IMPG2: variants seen among roughly 807,000 people sequenced by gnomAD.
IMPG2 encodes interphotoreceptor matrix proteoglycan 2, also known as IPM 200.
A neutral mutation model predicts 129.2 loss-of-function variants in IMPG2; 91 were observed. That is an observed-to-expected ratio of 0.70 (90% CI 0.59 to 0.84). The LOEUF (loss-of-function observed/expected upper bound fraction) is 0.84. Among genes scored for constraint, IMPG2 ranks in the 40% least tolerant of loss-of-function variants. The probability of loss-of-function intolerance (pLI) is 0.00; values close to 1 mark genes in which losing one functional copy is unlikely to be tolerated. For synonymous variants in IMPG2, 510 were observed against 517.7 expected (o/e 0.99, Z 0.20); for missense variants, 1,430 against 1,461.7 (o/e 0.98, Z 0.35).
chr3:101,280,954 A>G (rs1576761992), intron 4 of IMPG2, among the ~76,000 whole-genome samples: 1 of 151,956 alleles, frequency 6.6e-6, no homozygotes, highest in Non-Finnish European at 1.5e-5. Context: ...TGCAAAAAAA[A>G]AAAATTATAT....
At chr3:101,261,084 G>A (rs1480398475) in intron 9 of IMPG2, among the ~76,000 whole-genome samples, 3 of 152,068 alleles carry the variant, frequency 2.0e-5, no homozygotes, top group Non-Finnish European at 4.4e-5. Context: ...TGTATCTTCT[G>A]GTTAATCATT....
chr3:101,248,066 T>C (rs552135628), intron 11 of IMPG2, among the ~76,000 whole-genome samples: 35 of 152,284 alleles, frequency 2.3e-4, no homozygotes, highest in African/African-American at 8.2e-4. Flanking sequence ...GTTTAGTCTA[T>C]GGCCGTGAAA....
intron 14 of IMPG2, among the ~76,000 whole-genome samples, chr3:101,242,277 T>A (rs1243627205): frequency 6.6e-6 from 1 of 152,200 alleles, no homozygotes; most frequent in East Asian, 1.9e-4. Flanking sequence ...AGATGTTTGG[T>A]CTGCATATAA....
intron 9 of IMPG2, among the ~76,000 whole-genome samples, chr3:101,264,567 A>G (rs1211645625): frequency 6.6e-6 from 1 of 152,068 alleles, no homozygotes; most frequent in African/African-American, 2.4e-5. Context: ...TAAAGTCCAC[A>G]TATGAAAATG....
At chr3:101,258,573 T>A (rs1227618613) in intron 9 of IMPG2, among the ~76,000 whole-genome samples, 3 of 152,130 alleles carry the variant, frequency 2.0e-5, no homozygotes, top group Admixed American at 2.0e-4. Flanking sequence ...GCTCTCTCTC[T>A]CTCTTTTTAA....
intron 11 of IMPG2, among the ~76,000 whole-genome samples, chr3:101,248,147 A>C (rs1274231514): frequency 1.3e-5 from 2 of 152,144 alleles, no homozygotes; most frequent in Admixed American, 6.5e-5. Flanking sequence ...CTGTGTCCCC[A>C]CCCAAATCTC....
At chr3:101,295,211 G>T (rs1468238886) in intron 3 of IMPG2, among the ~76,000 whole-genome samples, 2 of 151,956 alleles carry the variant, frequency 1.3e-5, no homozygotes, top group Admixed American at 6.6e-5. Flanking sequence ...TTATGATTTT[G>T]GGTTTTACAT....
At chr3:101,242,412 G>C (rs888809771) in intron 14 of IMPG2, among the ~76,000 whole-genome samples, 1 of 152,188 alleles carries the variant, frequency 6.6e-6, no homozygotes, top group Non-Finnish European at 1.5e-5. Context: ...AATAGATCCA[G>C]TAGGTAAATA....
intron 18 of IMPG2, among the ~76,000 whole-genome samples, chr3:101,227,342 T>C (rs906171088): frequency 1.4e-4 from 21 of 152,230 alleles, no homozygotes; most frequent in Admixed American, 3.9e-4. Flanking sequence ...GTATACTTTC[T>C]TTTGTCTCAC....
chr3:101,227,474 T>G (rs1027083218), intron 18 of IMPG2, among the ~76,000 whole-genome samples: 5 of 152,238 alleles, frequency 3.3e-5, no homozygotes, highest in Non-Finnish European at 5.9e-5. Context: ...AAGGCTCTCC[T>G]GAATCCTTCC....
intron 3 of IMPG2, among the ~76,000 whole-genome samples, chr3:101,295,834 G>A (rs933869621): frequency 5.3e-5 from 8 of 152,174 alleles, no homozygotes; most frequent in Non-Finnish European, 7.3e-5. Flanking sequence ...AATTGTGAAT[G>A]GGAGTTCATT....
chr3:101,228,460 A>G (rs1437048761), intron 18 of IMPG2, among the ~76,000 whole-genome samples: 3 of 152,206 alleles, frequency 2.0e-5, no homozygotes, highest in Non-Finnish European at 4.4e-5. Flanking sequence ...TGAAAAGACT[A>G]TGTGTAGTCC....
chr3:101,302,242 C>T (rs1707147391), intron 3 of IMPG2, among the ~76,000 whole-genome samples: 2 of 152,204 alleles, frequency 1.3e-5, no homozygotes, highest in Admixed American at 6.5e-5. Flanking sequence ...AAAAGTTCCA[C>T]TTGTAAGAGA....
At chr3:101,265,582 A>G (rs1706713929) in intron 9 of IMPG2, among the ~76,000 whole-genome samples, 1 of 152,186 alleles carries the variant, frequency 6.6e-6, no homozygotes. Flanking sequence ...GTCAGACTTG[A>G]AAAACTATTA....
chr3:101,226,824 A>T lies in IMPG2; in HGVS notation c.*145T>A. ...ACATTCTGAAAACTTAAGCTGAAAA[A>T]AAAACAGTGTGCCCTATATTTAATT... is the stretch of plus-strand genomic sequence containing the variant. On this transcript the variant is annotated 3_prime_UTR_variant, in exon 19 of 19. Transcript: ENST00000193391. The T allele has an allele frequency of 3.8e-6, 3 of 786,756 alleles. No individual in the cohort carries two copies. Among genetic ancestry groups the T allele is most frequent in the Non-Finnish European group, 6.3e-6 (3 of 477,226 alleles). The allele number at this position is 786,756 out of a possible 1,614,324, so 48.7% of individuals were successfully genotyped here.
chr3:101,247,735 C>G (rs1559644121), intron 11 of IMPG2, among the ~76,000 whole-genome samples: 2 of 152,196 alleles, frequency 1.3e-5, no homozygotes, highest in East Asian at 3.9e-4. Flanking sequence ...TAAAAGTTCC[C>G]TAGTAGAGGA....
At position 101,273,736 on chromosome 3, in the gene IMPG2, T is replaced by A; in HGVS notation, c.673A>T (p.Asn225Tyr). 6.2e-7 allele frequency: 1 copy of A among 1,613,916 alleles called. No homozygotes were observed. The highest frequency in any genetic ancestry group is 8.5e-7 in the Non-Finnish European group (1 of 1,179,796). Residue 225 changes from asparagine to tyrosine, a missense_variant, in exon 7 of 19, where the codon AAT becomes TAT. Physicochemically the swap from Asn to Tyr is moderately radical, Grantham distance 143. Transcript: ENST00000193391. Reference protein sequence around the residue: ...SLERPEESISNEIENVIEEAT... With the variant: ...SLERPEESISYEIENVIEEAT... ...TCTTCTATCACATTCTCAATTTCAT[T>A]GCTAATCTGAATTTTTAGAGAAAGA...
chr3:101,310,148 C>T (rs951576825), intron 2 of IMPG2, among the ~76,000 whole-genome samples: 29 of 152,254 alleles, frequency 1.9e-4, no homozygotes, highest in African/African-American at 6.5e-4. Context: ...ATGCATTTCA[C>T]TCTGTAAATT....
chr3:101,244,940 A>G (rs758259873), intron 12 of IMPG2, among the ~76,000 whole-genome samples, 153 bp from the exon 13 acceptor site: 2 of 152,184 alleles, frequency 1.3e-5, no homozygotes, highest in Non-Finnish European at 2.9e-5. Flanking sequence ...CAACAAGAAG[A>G]TCTGATCATG....
Sources: allele counts gnomAD v4.1 joint callset (sites outside exome capture counted in the v4.1 genomes callset), GRCh38; gene constraint gnomAD v4.1.1; transcripts MANE v1.5; gene names NCBI Gene and HGNC (gene_info 2026-07-23, HGNC 2026-07-21).